C2orf68: variants seen among roughly 807,000 people sequenced by gnomAD.
The protein encoded by C2orf68 is UPF0561 protein C2orf68.
A neutral mutation model predicts 19.1 loss-of-function variants in C2orf68; 15 were observed. The ratio of observed to expected loss-of-function variants is 0.79; its 90% CI spans 0.53 to 1.21. The LOEUF is 1.21. C2orf68 is among the 50% of genes most tolerant of loss of function. The probability of loss-of-function intolerance (pLI) is 0.00; values close to 1 mark genes in which losing one functional copy is unlikely to be tolerated. For synonymous variants in C2orf68, 98 were observed against 91.0 expected, an observed-to-expected ratio of 1.08 and a Z score of -0.44; for missense variants, 242 against 226.6, an observed-to-expected ratio of 1.07 and a Z score of -0.44.
chr2:85,611,799 G>A lies in C2orf68; in HGVS notation c.108-13C>T, dbSNP rs761266019. Reference sequence around the variant, plus strand: ...GTCATAGTCGTCCCTGCGGGGAGCCGAGCGGGAGTCAGGGACTGTCGGGCC... The same window carrying A: ...GTCATAGTCGTCCCTGCGGGGAGCCAAGCGGGAGTCAGGGACTGTCGGGCC... On this transcript the variant is annotated splice_polypyrimidine_tract_variant and intron_variant, in intron 1 of 3. Coordinates refer to ENST00000306336, the MANE Select transcript of C2orf68 (RefSeq NM_001013649.4). 8 of 1,610,296 alleles carry A rather than the reference G, an allele frequency of 5.0e-6. No individual in the cohort carries two copies. The highest frequency in any genetic ancestry group is 3.3e-5 in the South Asian group (3 of 91,010).
In C2orf68 at chr2:85,609,528, A is replaced by C. The variant is rs754586751; in HGVS notation, c.285T>G (p.Ser95Arg). ...DYEESGESSS[S>R]GGSELEPSGH... ...CAGAAGGCTCCAGCTCAGAGCCTCC[A>C]CTACTGCTGCTTTCACCGGACTCTT... Residue 95 changes from serine (S) to arginine (R), a missense_variant, in exon 3 of 4, where the codon AGT becomes AGG. Transcript: ENST00000306336. 1 of 1,614,158 alleles carries C rather than the reference A, an allele frequency of 6.2e-7. No individual in the cohort carries two copies. The highest frequency in any genetic ancestry group is 8.5e-7 in the Non-Finnish European group (1 of 1,180,018).
intron 2 of C2orf68, 115 bp downstream of exon 2, chr2:85,611,553 A>G (rs1673527585): frequency 1.3e-6 from 2 of 1,550,942 alleles, no homozygotes; most frequent in East Asian, 2.4e-5. Context: ...AGGTTCCGGA[A>G]AGAGACGAGA....
chr2:85,609,163 T>C (rs1673342816), intron 3 of C2orf68, 96 bp from the exon 4 acceptor site: 2 of 1,512,826 alleles, frequency 1.3e-6, no homozygotes, highest in African/African-American at 2.8e-5. Context: ...TCCATTTAGC[T>C]CAAGGCTTTT....
chr2:85,605,566 G>T lies in C2orf68; in HGVS notation c.*3379C>A, dbSNP rs983648656. 6.6e-6 allele frequency among the ~76,000 whole-genome samples: 1 copy of T among 152,196 alleles called. No individual in the cohort carries two copies. Among genetic ancestry groups the T allele is most frequent in the Non-Finnish European group, 1.5e-5 (1 of 68,032 alleles). On this transcript the variant is annotated 3_prime_UTR_variant, in exon 4 of 4. Transcript: ENST00000306336. ...TCCTCAGGGACAGGACAGGAATTCA[G>T]CAAGGGAGCTTAAAATATTTTAAGT...
intron 2 of C2orf68, 168 bp downstream of exon 2, chr2:85,611,500 T>C (rs1673523679): frequency 6.4e-7 from 1 of 1,550,808 alleles, no homozygotes; most frequent in Non-Finnish European, 8.7e-7. Flanking sequence ...GTCCCAGTTC[T>C]TGGTGAGAAT....
In C2orf68 at chr2:85,607,023, T is replaced by C. The variant is rs368712920; in HGVS notation, c.*1922A>G. ...CGGTCTGGATCTCCTGATTTCATGA[T>C]CCGCCCGCCTCGGCCTCCCTACCTC... On this transcript the variant is annotated 3_prime_UTR_variant, in exon 4 of 4. Coordinates refer to ENST00000306336, the MANE Select transcript of C2orf68 (RefSeq NM_001013649.4). 6.6e-6 allele frequency: 1 copy of C among 152,144 alleles called. No homozygotes were observed. Among genetic ancestry groups the C allele is most frequent in the East Asian group, 1.9e-4 (1 of 5,196 alleles). 9.4% of individuals were successfully genotyped at this position (152,144 alleles called of 1,614,324 possible).
In C2orf68 at chr2:85,608,925, A is replaced by G; in HGVS notation, c.*20T>C. Reference sequence around the variant, plus strand: ...TCCGAGTGCAGTGAATCCAGCCTGGAGAGAACGCCTTCAACATGGTCAGTG... The same window carrying G: ...TCCGAGTGCAGTGAATCCAGCCTGGGGAGAACGCCTTCAACATGGTCAGTG... On this transcript the variant is annotated 3_prime_UTR_variant, in exon 4 of 4. Coordinates refer to ENST00000306336, the MANE Select transcript of C2orf68 (RefSeq NM_001013649.4). 1.2e-6 allele frequency: 2 copies of G among 1,613,748 alleles called. No individual in the cohort carries two copies. The highest frequency in any genetic ancestry group is 1.7e-6 in the Non-Finnish European group (2 of 1,179,720).
intron 2 of C2orf68, among the ~76,000 whole-genome samples, chr2:85,609,878 A>G (rs1673396796): frequency 2.6e-5 from 4 of 151,982 alleles, no homozygotes; most frequent in Admixed American, 2.6e-4. Context: ...ATGGGGTTTT[A>G]CCATGTTGGC....
chr2:85,611,544 G>A, intron 2 of C2orf68, 124 bp downstream of exon 2: 1 of 1,551,098 alleles, frequency 6.4e-7, no homozygotes, highest in Non-Finnish European at 8.7e-7. Context: ...CTGAGGTGGA[G>A]GTTCCGGAAA....
rs1409416424 is a variant in C2orf68, at chr2:85,612,039, C to A, written c.-55G>T. The A allele has an allele frequency of 1.5e-6, 2 of 1,294,048 alleles. No homozygotes were observed. The highest frequency in any genetic ancestry group is 5.1e-5 in the East Asian group (2 of 38,970). 80.2% of individuals were successfully genotyped at this position (1,294,048 alleles called of 1,614,324 possible). ...CCTCGACGGCCCCAACAACAGCCAC[C>A]CGCCCACAGAGCTCCGCGCCGCCCC... On this transcript the variant is annotated 5_prime_UTR_variant, in exon 1 of 4. Coordinates refer to ENST00000306336, the MANE Select transcript of C2orf68 (RefSeq NM_001013649.4).
chr2:85,609,187 C>A, intron 3 of C2orf68, 120 bp from the exon 4 acceptor site: 2 of 1,401,354 alleles, frequency 1.4e-6, no homozygotes, highest in Non-Finnish European at 1.9e-6. Context: ...CAGCACCTGT[C>A]ATTTCCTATG....
rs1056537895 is a variant in C2orf68, at chr2:85,605,281, T to C, written c.*3664A>G. The stretch of plus-strand genomic sequence containing the variant: ...CTGTAAAAATCGTAAGTTTATTTGT[T>C]AAAAAAAATACTGTATTTGAAAAGT... On this transcript the variant is annotated 3_prime_UTR_variant, in exon 4 of 4. Coordinates refer to ENST00000306336, the MANE Select transcript of C2orf68 (RefSeq NM_001013649.4). Among the ~76,000 whole-genome samples the C allele has an allele frequency of 6.6e-6, 1 of 152,064 alleles. No homozygotes were observed. Among genetic ancestry groups the C allele is most frequent in the Non-Finnish European group, 1.5e-5 (1 of 68,022 alleles).
chr2:85,611,715 G>C lies in C2orf68; in HGVS notation c.179C>G (p.Thr60Arg), dbSNP rs1005325640. 4 of 1,597,582 alleles carry C rather than the reference G, an allele frequency of 2.5e-6. No homozygotes were observed. In the Middle Eastern group the frequency reaches 5.0e-4, roughly 198 times the overall value. The part of the protein sequence containing the change: ...KVRRRHTPAP[T>R]RPRKPDLQVY... ...CTGCAGGTCTGGCTTGCGGGGCCGC[G>C]TCGGCGCGGGCGTGTGCCGCCTCCT... Residue 60 changes from threonine to arginine, a missense_variant, in exon 2 of 4, where the codon ACG becomes AGG. Coordinates refer to ENST00000306336, the MANE Select transcript of C2orf68 (RefSeq NM_001013649.4).
intron 2 of C2orf68, chr2:85,611,409 C>A: frequency 6.7e-7 from 1 of 1,502,366 alleles, no homozygotes; most frequent in Non-Finnish European, 8.9e-7. Flanking sequence ...AAATACAGCA[C>A]GGTGGGGCAA....
chr2:85,608,813 AC>A lies in C2orf68; in HGVS notation c.*131del. 2 of 1,248,224 alleles carry A rather than the reference AC, an allele frequency of 1.6e-6. No homozygotes were observed. The highest frequency in any genetic ancestry group is 2.2e-6 in the Non-Finnish European group (2 of 899,362). The allele number at this position is 1,248,224 out of a possible 1,614,324, so 77.3% of individuals were successfully genotyped here. ...GGCAGGCCAGGTGTAGTCCTGCAAC[AC>A]CCTATGGATGCAGCAGCTCTGGGGG... On this transcript the variant is annotated 3_prime_UTR_variant, in exon 4 of 4. Transcript: ENST00000306336.
chr2:85,607,045 C>T lies in C2orf68; in HGVS notation c.*1900G>A, dbSNP rs1232991953. ...TGATCCGCCCGCCTCGGCCTCCCTA[C>T]CTCTTCCTTTACTTAATAAGAATGC... On this transcript the variant is annotated 3_prime_UTR_variant, in exon 4 of 4. Coordinates refer to ENST00000306336, the MANE Select transcript of C2orf68 (RefSeq NM_001013649.4). The T allele has an allele frequency of 1.3e-5, 2 of 152,106 alleles. No homozygotes were observed. Among genetic ancestry groups the T allele is most frequent in the East Asian group, 1.9e-4 (1 of 5,196 alleles). The allele number at this position is 152,106 out of a possible 1,614,324, so 9.4% of individuals were successfully genotyped here.
At chr2:85,611,825 GGGCCA>G (rs543992256) in intron 1 of C2orf68, 39 bp from the exon 2 acceptor site, 4 of 1,607,022 alleles carry the variant, frequency 2.5e-6, no homozygotes, top group South Asian at 1.1e-5. Context: ...CTGTCGGGCC[GGGCCA>G]GGCCAGGCCA....
chr2:85,609,368 A>T, intron 3 of C2orf68, 67 bp downstream of exon 3: 4 of 1,571,648 alleles, frequency 2.5e-6, no homozygotes, highest in Non-Finnish European at 3.5e-6. Flanking sequence ...AACAGGGCTC[A>T]GGGTCTGACA....
At position 85,606,375 on chromosome 2, in the gene C2orf68, G is replaced by C. The variant is rs905403414; in HGVS notation, c.*2570C>G. Among the ~76,000 whole-genome samples, 5 of 152,230 alleles carry C rather than the reference G, an allele frequency of 3.3e-5. No individual in the cohort carries two copies. Among genetic ancestry groups the C allele is most frequent in the African/African-American group, 1.2e-4 (5 of 41,458 alleles). ...ACACTAATTTTTGAAAGAAGTAGAT[G>C]TCTGGAGGCAGGTCTGGTGAATAAA... is the stretch of plus-strand genomic sequence containing the variant. On this transcript the variant is annotated 3_prime_UTR_variant, in exon 4 of 4. Coordinates refer to ENST00000306336, the MANE Select transcript of C2orf68 (RefSeq NM_001013649.4).
Sources: allele counts gnomAD v4.1 joint callset (sites outside exome capture counted in the v4.1 genomes callset), GRCh38; gene constraint gnomAD v4.1.1; transcripts MANE v1.5; gene names NCBI Gene and HGNC (gene_info 2026-07-23, HGNC 2026-07-21).